Variants in TRIQK observed in about 807,000 individuals in gnomAD.
TRIQK encodes the protein triple QxxK/R motif containing, also known as triple QxxK/R motif-containing protein.
In TRIQK, 10 loss-of-function variants were observed where a neutral mutation model predicts 10.8. The observed-to-expected ratio is 0.92, with a 90% confidence interval of 0.57 to 1.57. The LOEUF is 1.57. TRIQK is among the 40% of genes most tolerant of loss of function. The probability of loss-of-function intolerance (pLI) is 0.00; values close to 1 mark genes in which losing one functional copy is unlikely to be tolerated. For synonymous variants in TRIQK, 33 were observed against 33.7 expected (o/e 0.98, Z 0.07); for missense variants, 107 against 97.7 (o/e 1.09, Z -0.40).
intron 1 of TRIQK, among the ~76,000 whole-genome samples, chr8:92,995,043 A>G (rs1033807700): frequency 1.3e-5 from 2 of 151,926 alleles, no homozygotes; most frequent in African/African-American, 2.4e-5. Context: ...TTTCCTTGCT[A>G]TTCTACTTTT....
At chr8:92,943,304 T>A (rs1401320078) in intron 2 of TRIQK, among the ~76,000 whole-genome samples, 1 of 152,106 alleles carries the variant, frequency 6.6e-6, no homozygotes, top group Non-Finnish European at 1.5e-5. Context: ...ACATCCTTCA[T>A]ACAAGTGGAA....
chr8:92,952,850 G>A (rs1015383831), intron 2 of TRIQK, among the ~76,000 whole-genome samples: 1 of 151,980 alleles, frequency 6.6e-6, no homozygotes, highest in African/African-American at 2.4e-5. Context: ...AACTCTAAAT[G>A]CCATTGCATA....
chr8:92,985,787 A>G (rs962231412), intron 1 of TRIQK, among the ~76,000 whole-genome samples: 38 of 152,152 alleles, frequency 2.5e-4, no homozygotes, highest in African/African-American at 8.9e-4. Flanking sequence ...GCTCTTGTCA[A>G]TAAGATCAGA....
chr8:92,898,659 T>A (rs923606830), intron 3 of TRIQK, among the ~76,000 whole-genome samples: 8 of 151,784 alleles, frequency 5.3e-5, no homozygotes, highest in African/African-American at 1.9e-4. Flanking sequence ...TACATTAATT[T>A]TCATTCATTT....
intron 2 of TRIQK, among the ~76,000 whole-genome samples, chr8:92,943,831 A>G (rs903136266): frequency 1.3e-5 from 2 of 152,166 alleles, no homozygotes; most frequent in Non-Finnish European, 2.9e-5. Context: ...AAAGCAAAAA[A>G]TAGACGAATG....
At chr8:92,919,072 A>G (rs1810029946) in intron 2 of TRIQK, among the ~76,000 whole-genome samples, 1 of 151,804 alleles carries the variant, frequency 6.6e-6, no homozygotes, top group East Asian at 1.9e-4. Flanking sequence ...GTTCTATTCT[A>G]TTGATCTATG....
intron 3 of TRIQK, among the ~76,000 whole-genome samples, chr8:92,912,773 G>A (rs1371228472): frequency 4.0e-5 from 6 of 151,736 alleles, no homozygotes; most frequent in Non-Finnish European, 8.8e-5. Flanking sequence ...AAGCAAGAAT[G>A]AATCAAGAAG....
chr8:93,006,583 T>TA (rs1813274843), intron 1 of TRIQK, among the ~76,000 whole-genome samples: 1 of 152,046 alleles, frequency 6.6e-6, no homozygotes, highest in African/African-American at 2.4e-5. Flanking sequence ...TCACTGAGGC[T>TA]ACCTGCTGTC....
At position 92,946,312 on chromosome 8, in the gene TRIQK, T is replaced by C. The variant is rs1252341335; in HGVS notation, c.-22+8094A>G. On this transcript the variant is annotated intron_variant, in intron 2 of 4. Transcript: ENST00000521988. ...AGAAAAACAAGCCAGAGCTTTAATATAATATTTTTTTCCAACCTGGAACAG... is the reference window on the plus strand; with the variant it reads ...AGAAAAACAAGCCAGAGCTTTAATACAATATTTTTTTCCAACCTGGAACAG... 2.0e-5 allele frequency among the ~76,000 whole-genome samples: 3 copies of C among 152,286 alleles called. No homozygotes were observed. In the East Asian group the frequency reaches 5.8e-4, roughly 29 times the overall value.
intron 1 of TRIQK, among the ~76,000 whole-genome samples, chr8:92,961,804 T>C (rs1406698191): frequency 2.0e-5 from 3 of 152,198 alleles, no homozygotes; most frequent in African/African-American, 7.2e-5. Context: ...GTCTGTTATT[T>C]TTGCAACTAC....
chr8:92,996,088 A>AT (rs1813151416), intron 1 of TRIQK, among the ~76,000 whole-genome samples: 2 of 152,022 alleles, frequency 1.3e-5, no homozygotes, highest in African/African-American at 4.8e-5. Flanking sequence ...CCTGAGTGAG[A>AT]TTTTATCAAT....
intron 2 of TRIQK, chr8:92,940,984 C>T (rs772403651): frequency 6.6e-6 from 1 of 152,070 alleles, no homozygotes; most frequent in African/African-American, 2.4e-5. Flanking sequence ...ACTTTAGAAA[C>T]TTTACAAATA....
chr8:92,977,477 T>C (rs1812944787), intron 1 of TRIQK, among the ~76,000 whole-genome samples: 1 of 152,076 alleles, frequency 6.6e-6, no homozygotes, highest in African/African-American at 2.4e-5. Flanking sequence ...AATCAGACAT[T>C]TTTCCCTATA....
chr8:93,012,435 T>TGTAGATG (rs1813344266), intron 1 of TRIQK, among the ~76,000 whole-genome samples: 1 of 152,154 alleles, frequency 6.6e-6, no homozygotes, highest in African/African-American at 2.4e-5. Flanking sequence ...CATATGTAGA[T>TGTAGATG]CCAGCGTTTT....
At chr8:92,961,744 CCTAT>C (rs1423617870) in intron 1 of TRIQK, among the ~76,000 whole-genome samples, 10 of 152,142 alleles carry the variant, frequency 6.6e-5, no homozygotes, top group Non-Finnish European at 1.3e-4. Context: ...TTTGGATTAA[CCTAT>C]CTTTCTTTTG....
At chr8:92,900,328 C>G (rs1808860094) in intron 3 of TRIQK, among the ~76,000 whole-genome samples, 2 of 152,218 alleles carry the variant, frequency 1.3e-5, no homozygotes, top group Middle Eastern at 3.4e-3. Flanking sequence ...TTACCCAATC[C>G]AATTTCCTGG....
rs1816410918 is a variant in TRIQK, at chr8:92,885,188, T to C, written c.*1434A>G. 1 of 354,602 alleles carries C rather than the reference T, an allele frequency of 2.8e-6. No individual in the cohort carries two copies. Among genetic ancestry groups the C allele is most frequent in the South Asian group, 2.1e-5 (1 of 46,906 alleles). The allele number at this position is 354,602 out of a possible 1,614,324, so 22.0% of individuals were successfully genotyped here. On this transcript the variant is annotated 3_prime_UTR_variant, in exon 5 of 5. Coordinates refer to ENST00000521988, the MANE Select transcript of TRIQK (RefSeq NM_001171797.2). ...GTTTTCACACCAATGAAATAAATTA[T>C]GCTACTTGAAAAAAATTCTACAGAA...
intron 1 of TRIQK, among the ~76,000 whole-genome samples, chr8:92,962,719 C>T (rs1046008327): frequency 1.3e-5 from 2 of 152,150 alleles, no homozygotes; most frequent in African/African-American, 4.8e-5. Flanking sequence ...TCACATTACT[C>T]CACCGGTAGA....
At chr8:92,944,774 A>C (rs912363925) in intron 2 of TRIQK, among the ~76,000 whole-genome samples, 2 of 152,176 alleles carry the variant, frequency 1.3e-5, no homozygotes, top group Non-Finnish European at 2.9e-5. Context: ...GAAGGAATAA[A>C]TTCTGGTGTT....
Sources: allele counts gnomAD v4.1 joint callset (sites outside exome capture counted in the v4.1 genomes callset), GRCh38; gene constraint gnomAD v4.1.1; transcripts MANE v1.5; gene names NCBI Gene and HGNC (gene_info 2026-07-23, HGNC 2026-07-21).